The following TTC6 variants were observed in gnomAD, a reference collection of about 807,000 sequenced individuals.
TTC6 encodes the protein tetratricopeptide repeat domain 6.
In TTC6, 172 loss-of-function variants were observed where a neutral mutation model predicts 210.4. The observed-to-expected ratio is 0.82, with a 90% CI of 0.72 to 0.93. The LOEUF (loss-of-function observed/expected upper bound fraction) is 0.93, where lower values mean the gene tolerates loss of function less well. Among genes scored for constraint, TTC6 ranks in the 40% least tolerant of loss-of-function variants. The pLI is 0.00. For synonymous variants in TTC6, 804 were observed against 819.6 expected, an observed-to-expected ratio of 0.98 and a Z score of 0.32; for missense variants, 2,414 against 2,318.1, an observed-to-expected ratio of 1.04 and a Z score of -0.85.
At chr14:37,652,183 A>T (rs191965115) in intron 1 of TTC6, among the ~76,000 whole-genome samples, 1 of 152,348 alleles carries the variant, frequency 6.6e-6, no homozygotes, top group East Asian at 1.9e-4. Context: ...GGTTGAAATG[A>T]CAGTAAACTA....
chr14:37,739,252 C>A, intron 10 of TTC6, 97 bp downstream of exon 12: 1 of 1,215,528 alleles, frequency 8.2e-7, no homozygotes, highest in Non-Finnish European at 1.1e-6. Context: ...TTTTATTCTG[C>A]ACTGAACATA....
At chr14:37,792,549 CT>C in intron 17 of TTC6, 135 bp downstream of exon 19, 1 of 658,814 alleles carries the variant, frequency 1.5e-6, no homozygotes, top group Non-Finnish European at 2.2e-6. Flanking sequence ...ATGTGTTAAG[CT>C]GGTAGTTAAC....
At chr14:37,637,528 A>T (rs1453797177) in intron 1 of TTC6, among the ~76,000 whole-genome samples, 1 of 152,168 alleles carries the variant, frequency 6.6e-6, no homozygotes, top group African/African-American at 2.4e-5. Flanking sequence ...CCAGCCACTC[A>T]CATGGCTGAG....
intron 1 of TTC6, among the ~76,000 whole-genome samples, chr14:37,601,108 CA>C (rs1241962110): frequency 6.6e-6 from 1 of 152,124 alleles, no homozygotes; most frequent in Non-Finnish European, 1.5e-5. Context: ...TAAACAAATG[CA>C]GCAGCCACCA....
intron 7 of TTC6, among the ~76,000 whole-genome samples, chr14:37,733,685 A>C (rs959281309): frequency 6.6e-5 from 10 of 152,144 alleles, no homozygotes; most frequent in Non-Finnish European, 2.9e-5. Flanking sequence ...TGATGTGTCT[A>C]GGTGTGTATT....
intron 15 of TTC6, among the ~76,000 whole-genome samples, chr14:37,790,417 C>A (rs962360032): frequency 3.3e-5 from 5 of 152,126 alleles, no homozygotes; most frequent in African/African-American, 1.2e-4. Flanking sequence ...GTACTTACCC[C>A]CTTTGGACTT....
chr14:37,708,916 G>C (rs2138724271), intron 5 of TTC6, among the ~76,000 whole-genome samples: 1 of 152,078 alleles, frequency 6.6e-6, no homozygotes, highest in Middle Eastern at 3.4e-3. Context: ...AATATTGCCT[G>C]GTTTTATACT....
intron 15 of TTC6, among the ~76,000 whole-genome samples, chr14:37,789,784 G>T (rs1265798348): frequency 6.6e-6 from 1 of 151,752 alleles, no homozygotes; most frequent in African/African-American, 2.4e-5. Flanking sequence ...CTGTTAAGTG[G>T]TGCATGACTG....
intron 7 of TTC6, among the ~76,000 whole-genome samples, chr14:37,727,575 G>A (rs1048159334): frequency 1.3e-5 from 2 of 151,872 alleles, no homozygotes; most frequent in Non-Finnish European, 2.9e-5. Context: ...TTACAGGTGT[G>A]AGCCACCACG....
intron 15 of TTC6, among the ~76,000 whole-genome samples, chr14:37,789,155 G>C (rs1412703435): frequency 6.6e-6 from 1 of 152,020 alleles, no homozygotes; most frequent in African/African-American, 2.4e-5. Flanking sequence ...TAATAATAAT[G>C]ATATCTAACA....
At chr14:37,769,466 G>C (rs1245441489) in intron 14 of TTC6, among the ~76,000 whole-genome samples, 2 of 152,058 alleles carry the variant, frequency 1.3e-5, no homozygotes, top group Admixed American at 1.3e-4. Flanking sequence ...ATTGATTATT[G>C]CCACAATTTC....
intron 14 of TTC6, among the ~76,000 whole-genome samples, chr14:37,782,108 G>A (rs546690648): frequency 1.1e-3 from 162 of 152,214 alleles, no homozygotes; most frequent in African/African-American, 3.8e-3. Context: ...TTGGCAATGC[G>A]GGCTCTCTTT....
exon 22 of TTC6, chr14:37,806,459 C>A (rs1479928510): frequency 6.5e-7 from 1 of 1,535,134 alleles, no homozygotes; most frequent in Non-Finnish European, 8.7e-7. Flanking sequence ...ACAAGGATAG[C>A]TCGATTCTGG....
At chr14:37,807,726 A>G (rs2096121742) in intron 23 of TTC6, among the ~76,000 whole-genome samples, 1 of 152,152 alleles carries the variant, frequency 6.6e-6, no homozygotes, top group Non-Finnish European at 1.5e-5. Flanking sequence ...ACAGTTTGGA[A>G]AAATATGGAA....
At chr14:37,626,028 C>T (rs1439347240) in intron 1 of TTC6, among the ~76,000 whole-genome samples, 1 of 152,172 alleles carries the variant, frequency 6.6e-6, no homozygotes, top group African/African-American at 2.4e-5. Context: ...CTTCTATACA[C>T]TAGATACTAG....
intron 20 of TTC6, among the ~76,000 whole-genome samples, chr14:37,801,805 A>G (rs567596805): frequency 6.6e-6 from 1 of 152,304 alleles, no homozygotes; most frequent in Admixed American, 6.5e-5. Flanking sequence ...ACGCTTTTAT[A>G]CATTTCAACC....
At chr14:37,793,186 C>T (rs992661126) in intron 17 of TTC6, among the ~76,000 whole-genome samples, 1 of 152,094 alleles carries the variant, frequency 6.6e-6, no homozygotes, top group Non-Finnish European at 1.5e-5. Flanking sequence ...CTTCTTTGCT[C>T]AAGCCCTTCA....
At chr14:37,817,503 A>G (rs1028998307) in intron 25 of TTC6, 75 bp from the exon 28 acceptor site, 2 of 1,281,262 alleles carry the variant, frequency 1.6e-6, no homozygotes, top group African/African-American at 2.9e-5. Context: ...TTGTGGAATC[A>G]CAGTTAGAAG....
intron 3 of TTC6, among the ~76,000 whole-genome samples, chr14:37,694,356 G>T (rs1447269978): frequency 6.6e-6 from 1 of 151,782 alleles, no homozygotes; most frequent in Admixed American, 6.6e-5. Context: ...TATGAAAAGT[G>T]CTCAAAACTA....
Sources: gnomAD v4.1 joint callset for allele counts (sites outside exome capture counted in the v4.1 genomes callset) on GRCh38, gnomAD v4.1.1 for gene constraint, MANE v1.5 for transcripts, NCBI Gene and HGNC (gene_info 2026-07-23, HGNC 2026-07-21) for gene names.